Variants in PCDHA4 observed in about 807,000 individuals in gnomAD.
PCDHA4 encodes the protein protocadherin alpha-4.
In PCDHA4, 49 loss-of-function variants were observed where a neutral mutation model predicts 61.4. The observed-to-expected ratio is 0.80, with a 90% CI of 0.63 to 1.01. The LOEUF (loss-of-function observed/expected upper bound fraction) is 1.01, where lower values mean the gene tolerates loss of function less well. Ranked by LOEUF, PCDHA4 falls within the 50% of genes least tolerant of loss-of-function variation. PCDHA4 has a pLI of 0.00. For missense variants in PCDHA4, 1,254 were observed against 1,235.8 expected, an observed-to-expected ratio of 1.01 and a Z score of -0.22; for synonymous variants, 590 against 550.3, an observed-to-expected ratio of 1.07 and a Z score of -1.01.
chr5:140,986,853 A>G (rs1424493333), intron 3 of PCDHA4, among the ~76,000 whole-genome samples: 3 of 152,206 alleles, frequency 2.0e-5, no homozygotes, highest in Admixed American at 6.5e-5. Flanking sequence ...AGCAACACCA[A>G]CAATACCCGG....
At chr5:140,984,581 C>G (rs141574202) in intron 3 of PCDHA4, among the ~76,000 whole-genome samples, 5 of 152,158 alleles carry the variant, frequency 3.3e-5, no homozygotes, top group African/African-American at 1.2e-4. Context: ...GCAACCTAAT[C>G]ATACTTTTCA....
intron 1 of PCDHA4, among the ~76,000 whole-genome samples, chr5:140,879,490 C>T (rs2058010245): frequency 2.0e-5 from 3 of 152,090 alleles, no homozygotes; most frequent in Admixed American, 2.0e-4. Flanking sequence ...AAATATGGGT[C>T]TGGATCTCAG....
intron 1 of PCDHA4, among the ~76,000 whole-genome samples, chr5:140,874,511 C>G (rs1376439369): frequency 4.6e-5 from 7 of 152,212 alleles, no homozygotes; most frequent in Admixed American, 3.9e-4. Flanking sequence ...ATTCTCTTGA[C>G]TTTAGTCAAT....
At chr5:140,994,125 C>T (rs1007264886) in intron 3 of PCDHA4, among the ~76,000 whole-genome samples, 6 of 152,044 alleles carry the variant, frequency 3.9e-5, no homozygotes, top group African/African-American at 9.7e-5. Flanking sequence ...GTGATAAGGG[C>T]GACAATAATG....
chr5:140,823,110 C>T (rs1554129143), intron 1 of PCDHA4: 2 of 1,613,884 alleles, frequency 1.2e-6, no homozygotes, highest in Admixed American at 1.7e-5. Flanking sequence ...TGGAAGTGGC[C>T]GACGTGAACG....
intron 1 of PCDHA4, chr5:140,841,254 A>T: frequency 6.6e-7 from 1 of 1,510,716 alleles, no homozygotes. Flanking sequence ...GGATTAAAAG[A>T]CTCTGAAAGT....
chr5:140,829,433 A>C (rs2150167809), intron 1 of PCDHA4: 1 of 1,614,022 alleles, frequency 6.2e-7, no homozygotes, highest in Non-Finnish European at 8.5e-7. Context: ...GGTGGCCGAC[A>C]TGAATGACAA....
Position 140,838,087 on chromosome 5 carries a change from T to A in PCDHA4, c.2385+28515T>A, listed in dbSNP as rs1474008542. On this transcript the variant is annotated intron_variant, in intron 1 of 3. Coordinates refer to ENST00000530339, the MANE Select transcript of PCDHA4 (RefSeq NM_018907.4). Reference sequence around the variant, plus strand: ...AAGTTATATATATATAGTGTGTGTGTGTGTGTGTGTGTGTGTGTGTGTGTG... The same window carrying A: ...AAGTTATATATATATAGTGTGTGTGAGTGTGTGTGTGTGTGTGTGTGTGTG... Among the ~76,000 whole-genome samples the A allele has an allele frequency of 7.9e-4, 77 of 97,646 alleles. 1 individual carries two copies. Among genetic ancestry groups the A allele is most frequent in the South Asian group, 3.4e-3 (11 of 3,264 alleles). 64.1% of individuals were successfully genotyped at this position (97,646 alleles called of 152,430 possible).
In PCDHA4 at chr5:140,997,121, A is replaced by G. The variant is rs138556400; in HGVS notation, c.2534-12506A>G. On this transcript the variant is annotated intron_variant, in intron 3 of 3. Transcript: ENST00000530339. ...CTCATGCACTCCTGCTCTCCCACAT[A>G]CACAATGCCCCCACACCCCCGCCAC... 2.1e-4 allele frequency among the ~76,000 whole-genome samples: 32 copies of G among 152,152 alleles called. No individual in the cohort carries two copies. The East Asian group carries it at 5.8e-3, about 28-fold the overall frequency.
intron 1 of PCDHA4, chr5:140,870,784 G>A: frequency 6.2e-7 from 1 of 1,613,574 alleles, no homozygotes; most frequent in South Asian, 1.1e-5. Context: ...GAACGACAAC[G>A]CGCCGGCACT....
intron 1 of PCDHA4, chr5:140,877,677 C>T (rs1554169970): frequency 6.2e-7 from 1 of 1,613,678 alleles, no homozygotes. Context: ...GCGCGCCGGG[C>T]AAGCCCACGC....
At chr5:140,847,270 T>A (rs1780933593) in intron 1 of PCDHA4, among the ~76,000 whole-genome samples, 1 of 149,770 alleles carries the variant, frequency 6.7e-6, no homozygotes, top group African/African-American at 2.4e-5. Context: ...TGAAAGAAGG[T>A]TGAACGGGAA....
intron 1 of PCDHA4, among the ~76,000 whole-genome samples, chr5:140,819,487 A>G (rs1766570415): frequency 1.3e-5 from 2 of 152,164 alleles, no homozygotes; most frequent in South Asian, 4.1e-4. Flanking sequence ...ATGCTTAAAC[A>G]TGACTGAAAT....
At chr5:140,876,140 C>G in intron 1 of PCDHA4, 1 of 1,613,944 alleles carries the variant, frequency 6.2e-7, no homozygotes, top group Non-Finnish European at 8.5e-7. Context: ...CCAGAACTAA[C>G]AGGGTCTGTC....
chr5:140,955,701 A>G (rs1381358710), intron 1 of PCDHA4, among the ~76,000 whole-genome samples: 1 of 152,150 alleles, frequency 6.6e-6, no homozygotes, highest in Non-Finnish European at 1.5e-5. Context: ...ATGTCAATGG[A>G]AGTTTAATAG....
intron 1 of PCDHA4, chr5:140,852,843 A>G (rs2042491535): frequency 1.0e-6 from 1 of 969,432 alleles, no homozygotes; most frequent in Non-Finnish European, 1.2e-6. Context: ...TAGAGCTAGT[A>G]CTTACTAAGC....
chr5:140,873,318 G>A (rs1164778902), intron 1 of PCDHA4, among the ~76,000 whole-genome samples: 1 of 152,168 alleles, frequency 6.6e-6, no homozygotes, highest in Non-Finnish European at 1.5e-5. Context: ...GTGAATATTA[G>A]ATAGGGCATA....
intron 3 of PCDHA4, among the ~76,000 whole-genome samples, chr5:140,994,862 G>A (rs1434007632): frequency 1.3e-5 from 2 of 152,174 alleles, no homozygotes; most frequent in African/African-American, 4.8e-5. Flanking sequence ...TTTGATGGAT[G>A]TGGTAGAATA....
At chr5:140,851,695 G>T in intron 1 of PCDHA4, 1 of 939,814 alleles carries the variant, frequency 1.1e-6, no homozygotes, top group Non-Finnish European at 1.3e-6. Flanking sequence ...GTGATAAAAT[G>T]ATCAGCCATG....
Sources: gnomAD v4.1 joint callset for allele counts (sites outside exome capture counted in the v4.1 genomes callset) on GRCh38, gnomAD v4.1.1 for gene constraint, MANE v1.5 for transcripts, NCBI Gene and HGNC (gene_info 2026-07-23, HGNC 2026-07-21) for gene names.